The following ZNF208 variants were observed in gnomAD, a reference collection of about 807,000 sequenced individuals.
ZNF208 encodes the protein zinc finger protein 95.
Under a neutral mutation model 12.1 loss-of-function variants are expected in ZNF208, and 10 were observed. That is an observed-to-expected ratio of 0.83 (90% CI 0.51 to 1.40). The LOEUF is 1.40. ZNF208 is among the 40% of genes most tolerant of loss of function. ZNF208 has a pLI of 0.00. For missense variants in ZNF208, 1,652 were observed against 1,485.0 expected (o/e 1.11, Z -1.85); for synonymous variants, 497 against 488.4 (o/e 1.02, Z -0.23).
chr19:22,007,471 A>ACTC (rs1971065180), intron 1 of ZNF208, among the ~76,000 whole-genome samples: 1 of 135,958 alleles, frequency 7.4e-6, no homozygotes, highest in Non-Finnish European at 1.5e-5. Context: ...CCGCCACTGC[A>ACTC]CTCCAACCTG....
At chr19:21,977,741 C>T (rs1358846339) in intron 3 of ZNF208, among the ~76,000 whole-genome samples, 2 of 152,300 alleles carry the variant, frequency 1.3e-5, no homozygotes, top group Admixed American at 1.3e-4. Flanking sequence ...GAACCGTTCA[C>T]TCCCCTGGAA....
intron 1 of ZNF208, 99 bp from the exon 2 acceptor site, chr19:21,989,008 C>A: frequency 6.8e-7 from 1 of 1,464,860 alleles, no homozygotes; most frequent in Non-Finnish European, 9.2e-7. Context: ...CTGGTTCTGA[C>A]TTATAAGCAT....
intron 4 of ZNF208, among the ~76,000 whole-genome samples, chr19:21,950,130 G>T (rs1969868175): frequency 6.6e-6 from 1 of 152,190 alleles, no homozygotes; most frequent in Non-Finnish European, 1.5e-5. Flanking sequence ...CATTTTTAAA[G>T]TGTACTCAAC....
At chr19:21,962,827 A>T (rs1330246059), downstream of ZNF208, among the ~76,000 whole-genome samples, 39 of 152,124 alleles carry the variant, frequency 2.6e-4, no homozygotes, top group Admixed American at 6.6e-5. Flanking sequence ...TGTTGATTTC[A>T]ATTGAGTTCA....
intron 4 of ZNF208, among the ~76,000 whole-genome samples, chr19:21,947,615 C>T (rs1475749608): frequency 6.6e-6 from 1 of 152,176 alleles, no homozygotes; most frequent in Non-Finnish European, 1.5e-5. Flanking sequence ...CAACTTTCAA[C>T]AGCTGGAAGA....
chr19:21,972,572 GTAAGGGTTGAGACCTTAC>G lies in ZNF208; in HGVS notation c.2444_2461del (p.Ser815_Leu820del), dbSNP rs1356969974. On this transcript the variant is annotated inframe_deletion, in exon 4 of 4. Transcript: ENST00000397126. ...TCCAGCATGAATTGCCTTATGTGTA[GTAAGGGTTGAGACCTTAC>G]TAAAGGTTTTGCCACATTCTTCACA... 3 of 1,612,370 alleles carry G rather than the reference GTAAGGGTTGAGACCTTAC, an allele frequency of 1.9e-6. No individual in the cohort carries two copies. The African/African-American group carries it at 4.0e-5, about 22-fold the overall frequency.
At chr19:21,965,050 T>C (rs1162588830), downstream of ZNF208, among the ~76,000 whole-genome samples, 1 of 151,998 alleles carries the variant, frequency 6.6e-6, no homozygotes, top group African/African-American at 2.4e-5. Context: ...AGATTATGGA[T>C]ACTCTATTTA....
chr19:21,980,602 C>T (rs539437358), intron 3 of ZNF208, among the ~76,000 whole-genome samples: 2 of 152,074 alleles, frequency 1.3e-5, no homozygotes, highest in South Asian at 2.1e-4. Context: ...TAAATGCCCA[C>T]AAAAGAAAGC....
rs527278333 is a variant in ZNF208 at position 21,971,558 on chromosome 19, T to C, written c.3476A>G (p.His1159Arg). 1.7e-5 allele frequency: 27 copies of C among 1,610,910 alleles called. No homozygotes were observed. Among genetic ancestry groups the C allele is most frequent in the African/African-American group, 1.1e-4 (8 of 74,710 alleles). The change falls in exon 4 of 4, where the codon CAT (histidine) becomes CGT (arginine). Residue 1159 changes from histidine (H) to arginine (R), a missense_variant. This residue lies in a region of ZNF208 where 1,239 missense variants were observed against 1,086.2 expected (regional missense o/e 1.14). Coordinates refer to ENST00000397126, the MANE Select transcript of ZNF208 (RefSeq NM_007153.3). Reference sequence around the variant, plus strand: ...TTTCTCTACAGTATGAATTTTCTTATGATAACTAAGGGTTGAGGACCACTT... The same window carrying C: ...TTTCTCTACAGTATGAATTTTCTTACGATAACTAAGGGTTGAGGACCACTT... ...AYKWSSTLSY[H>R]KKIHTVEKPY...
intron 1 of ZNF208, among the ~76,000 whole-genome samples, chr19:22,005,844 A>G (rs1323129591): frequency 6.6e-6 from 1 of 152,174 alleles, no homozygotes. Context: ...ATAGATAATA[A>G]ATAGCCGGGA....
downstream of ZNF208, among the ~76,000 whole-genome samples, chr19:21,964,132 ATAC>A (rs1228521068): frequency 6.6e-6 from 1 of 151,936 alleles, no homozygotes. Context: ...CCAATCAAAA[ATAC>A]TACTAATACT....
In ZNF208 at chr19:21,979,888, CAAGCAAATGGA is replaced by C. The variant is rs374657537; in HGVS notation, c.227-5092_227-5082del. Among the ~76,000 whole-genome samples the C allele has an allele frequency of 6.2e-3, 936 of 152,022 alleles. 4 individuals are homozygous for C. Among genetic ancestry groups the C allele is most frequent in the Middle Eastern group, 0.027 (8 of 294 alleles). On this transcript the variant is annotated intron_variant, in intron 3 of 3. Coordinates refer to ENST00000397126, the MANE Select transcript of ZNF208 (RefSeq NM_007153.3). ...AATAAAGTTATGGAGGAATATTTAC[CAAGCAAATGGA>C]AAGCAAAAGAAAGCAGGGGTTGCAA...
At chr19:21,953,385 G>T (rs1361825720) in intron 4 of ZNF208, among the ~76,000 whole-genome samples, 2 of 135,868 alleles carry the variant, frequency 1.5e-5, no homozygotes, top group Non-Finnish European at 3.1e-5. Context: ...AGGTAAAAAT[G>T]AAAGAAAAAA....
chr19:22,009,803 G>A (rs1408987942), intron 1 of ZNF208, among the ~76,000 whole-genome samples: 1 of 151,662 alleles, frequency 6.6e-6, no homozygotes, highest in Admixed American at 6.6e-5. Context: ...ACTACATTGG[G>A]GGAAAAAATT....
chr19:21,978,524 G>A (rs1970475694), intron 3 of ZNF208, among the ~76,000 whole-genome samples: 1 of 152,116 alleles, frequency 6.6e-6, no homozygotes, highest in Non-Finnish European at 1.5e-5. Context: ...AGGAATAGAA[G>A]TAACATCTCC....
At chr19:22,009,744 C>CT (rs1221997418) in intron 1 of ZNF208, among the ~76,000 whole-genome samples, 6 of 98,320 alleles carry the variant, frequency 6.1e-5, no homozygotes, top group African/African-American at 2.2e-4. Flanking sequence ...GAGACTTGGT[C>CT]TCAAAAAAAA....
chr19:21,975,064 A>G (rs1970403811), intron 3 of ZNF208, among the ~76,000 whole-genome samples: 1 of 152,192 alleles, frequency 6.6e-6, no homozygotes, highest in Admixed American at 6.5e-5. Flanking sequence ...GAAAAAAAGA[A>G]AAGTTTGTTA....
intron 4 of ZNF208, among the ~76,000 whole-genome samples, chr19:21,954,003 A>T (rs1329906076): frequency 1.3e-5 from 2 of 152,128 alleles, no homozygotes; most frequent in African/African-American, 2.4e-5. Flanking sequence ...CACACTGCTT[A>T]AAATGTGTCC....
chr19:21,950,377 C>T (rs1320100647), intron 4 of ZNF208, among the ~76,000 whole-genome samples: 1 of 151,962 alleles, frequency 6.6e-6, no homozygotes, highest in Non-Finnish European at 1.5e-5. Context: ...AAGATCTCTG[C>T]TTTTTTTCAT....
Sources: allele counts gnomAD v4.1 joint callset (sites outside exome capture counted in the v4.1 genomes callset), GRCh38; gene constraint gnomAD v4.1.1; regional missense constraint gnomAD v4.1.1; transcripts MANE v1.5; gene names NCBI Gene and HGNC (gene_info 2026-07-23, HGNC 2026-07-21).